Variants in GPHN observed in about 807,000 individuals in gnomAD.
GPHN encodes gephyrin.
In GPHN, 17 loss-of-function variants were observed where a neutral mutation model predicts 95.5. The ratio of observed to expected loss-of-function variants is 0.18; its 90% confidence interval spans 0.12 to 0.27. The LOEUF (loss-of-function observed/expected upper bound fraction) is 0.27, where lower values mean the gene tolerates loss of function less well. GPHN is among the 10% of genes least tolerant of loss of function. The pLI, the probability that GPHN is intolerant of heterozygous loss-of-function variation, is 1.00. For missense variants in GPHN, 660 were observed against 978.1 expected (o/e 0.67, Z 4.34); for synonymous variants, 320 against 322.5 (o/e 0.99, Z 0.08).
intron 2 of GPHN, among the ~76,000 whole-genome samples, chr14:66,751,873 CT>C (rs1432234064): frequency 6.6e-6 from 1 of 152,156 alleles, no homozygotes; most frequent in Middle Eastern, 3.4e-3. Context: ...TGTGAAAGTC[CT>C]AGATGGTATC....
At chr14:66,512,046 C>G (rs2058059462) in intron 1 of GPHN, among the ~76,000 whole-genome samples, 1 of 151,834 alleles carries the variant, frequency 6.6e-6, no homozygotes, top group Non-Finnish European at 1.5e-5. Context: ...AATTAGTTGT[C>G]TACTTGTATT....
intron 2 of GPHN, chr14:66,760,881 C>G: frequency 1.1e-6 from 1 of 917,148 alleles, no homozygotes; most frequent in Non-Finnish European, 1.7e-6. Context: ...AAAAGAGCGA[C>G]AGAAAGTTCA....
chr14:66,910,126 T>C (rs2065595751), intron 5 of GPHN, among the ~76,000 whole-genome samples: 1 of 151,866 alleles, frequency 6.6e-6, no homozygotes, highest in African/African-American at 2.4e-5. Context: ...AAGTTTATAA[T>C]TTTGGGGCAC....
At chr14:66,752,944 A>G (rs2058424348) in intron 2 of GPHN, among the ~76,000 whole-genome samples, 1 of 151,830 alleles carries the variant, frequency 6.6e-6, no homozygotes, top group Middle Eastern at 3.2e-3. Flanking sequence ...TAAAAAAAAA[A>G]AAAAAAGAGA....
chr14:67,419,862 G>A, the GPHN span, among the ~76,000 whole-genome samples: 1 of 149,344 alleles, frequency 6.7e-6, no homozygotes, highest in Admixed American at 6.6e-5. Flanking sequence ...AAAAAAAAAA[G>A]GCTGCATCCA....
the GPHN span, among the ~76,000 whole-genome samples, chr14:67,437,942 T>C: frequency 6.6e-6 from 1 of 152,114 alleles, no homozygotes; most frequent in Non-Finnish European, 1.5e-5. Context: ...CTATTAGACC[T>C]CATTTTTATA....
intron 8 of GPHN, among the ~76,000 whole-genome samples, chr14:66,951,010 C>A (rs1017781269): frequency 1.3e-5 from 2 of 151,990 alleles, no homozygotes; most frequent in Non-Finnish European, 2.9e-5. Context: ...CTGCAACCTC[C>A]CCCTCTCAGG....
chr14:66,736,540 A>G (rs2072299790), intron 2 of GPHN, among the ~76,000 whole-genome samples: 1 of 151,768 alleles, frequency 6.6e-6, no homozygotes, highest in Non-Finnish European at 1.5e-5. Context: ...CTGGGATTAC[A>G]GGTGAGCACC....
chr14:67,064,490 A>G (rs912693709), intron 11 of GPHN, among the ~76,000 whole-genome samples: 16 of 152,130 alleles, frequency 1.1e-4, no homozygotes, highest in African/African-American at 3.9e-4. Flanking sequence ...ATTGATTGGA[A>G]TAGTTTCAGA....
intron 11 of GPHN, among the ~76,000 whole-genome samples, chr14:67,087,888 T>C (rs2076975294): frequency 6.6e-6 from 1 of 152,186 alleles, no homozygotes; most frequent in Non-Finnish European, 1.5e-5. Flanking sequence ...TTTAACCTCA[T>C]TTATTTTTGC....
chr14:66,790,316 A>G (rs542596498), intron 3 of GPHN, among the ~76,000 whole-genome samples: 2 of 152,286 alleles, frequency 1.3e-5, no homozygotes, highest in African/African-American at 4.8e-5. Flanking sequence ...AGGTTACCCA[A>G]AGATCAGCCA....
At chr14:67,229,845 C>G in the GPHN span, among the ~76,000 whole-genome samples, 18 of 152,156 alleles carry the variant, frequency 1.2e-4, no homozygotes, top group Non-Finnish European at 1.8e-4. Context: ...AGATTTCCAT[C>G]AGACAGCACT....
At chr14:67,109,064 C>T (rs1167622299) in intron 13 of GPHN, among the ~76,000 whole-genome samples, 1 of 152,132 alleles carries the variant, frequency 6.6e-6, no homozygotes, top group African/African-American at 2.4e-5. Flanking sequence ...TCCGAGGCTA[C>T]AAACCTGCAC....
chr14:67,482,602 G>A, the GPHN span, among the ~76,000 whole-genome samples: 7 of 152,224 alleles, frequency 4.6e-5, no homozygotes, highest in African/African-American at 1.2e-4. Flanking sequence ...GCAACGCAGC[G>A]GGGGACAGCT....
chr14:67,611,857 A>G, the GPHN span, among the ~76,000 whole-genome samples: 4 of 152,214 alleles, frequency 2.6e-5, no homozygotes, highest in African/African-American at 9.6e-5. Flanking sequence ...ATTGTAATAT[A>G]TAATGAAATA....
the GPHN span, among the ~76,000 whole-genome samples, chr14:67,503,862 C>G: frequency 2.0e-5 from 3 of 151,292 alleles, no homozygotes; most frequent in Non-Finnish European, 4.4e-5. Context: ...CACCACCATG[C>G]CTGGTTAATT....
chr14:66,744,720 A>G (rs898125559), intron 2 of GPHN, among the ~76,000 whole-genome samples: 3 of 152,208 alleles, frequency 2.0e-5, no homozygotes, highest in Non-Finnish European at 2.9e-5. Flanking sequence ...AGATGTTATT[A>G]GAGACAAATA....
chr14:66,521,777 G>A (rs1238430310), intron 1 of GPHN, among the ~76,000 whole-genome samples: 1 of 152,074 alleles, frequency 6.6e-6, no homozygotes, highest in Non-Finnish European at 1.5e-5. Context: ...GGGATAGGGG[G>A]TCTGGTTTCA....
chr14:66,934,654 C>G (rs1406794629), intron 8 of GPHN, among the ~76,000 whole-genome samples: 1 of 152,124 alleles, frequency 6.6e-6, no homozygotes, highest in East Asian at 1.9e-4. Context: ...ATATACAACC[C>G]CAAGAATTAC....
Sources: allele counts gnomAD v4.1 joint callset (sites outside exome capture counted in the v4.1 genomes callset), GRCh38; gene constraint gnomAD v4.1.1; transcripts MANE v1.5; gene names NCBI Gene and HGNC (gene_info 2026-07-23, HGNC 2026-07-21).